PCDHGA12: variants seen among roughly 807,000 people sequenced by gnomAD.
The protein encoded by PCDHGA12 is protocadherin gamma subfamily A, 12.
In PCDHGA12, 43 loss-of-function variants were observed where a neutral mutation model predicts 61.1. The ratio of observed to expected loss-of-function variants is 0.70; its 90% CI spans 0.55 to 0.91. The LOEUF is 0.91. Among genes scored for constraint, PCDHGA12 ranks in the 40% least tolerant of loss-of-function variants. The pLI is 0.00. For synonymous variants in PCDHGA12, 520 were observed against 542.9 expected, an observed-to-expected ratio of 0.96 and a Z score of 0.59; for missense variants, 1,236 against 1,227.7, an observed-to-expected ratio of 1.01 and a Z score of -0.10.
Position 141,476,889 on chromosome 5 carries a change from C to T in PCDHGA12, c.2425-17918C>T. ...CGGGCGCGCGTCCTGGAGGATGCAC[C>T]CTCCGGCACGCGCGTGGTACAAGTC... is the stretch of plus-strand genomic sequence containing the variant. On this transcript the variant is annotated intron_variant, in intron 1 of 3. Transcript: ENST00000252085. This position sits in a 1 kb window ranked among gnomAD's most constrained non-coding sequence, Gnocchi z 7.6. 6.2e-7 allele frequency: 1 copy of T among 1,613,960 alleles called. No individual in the cohort carries two copies. The highest frequency in any genetic ancestry group is 8.5e-7 in the Non-Finnish European group (1 of 1,180,034).
intron 1 of PCDHGA12, among the ~76,000 whole-genome samples, chr5:141,472,969 A>G: frequency 6.8e-6 from 1 of 147,990 alleles, no homozygotes; most frequent in Non-Finnish European, 1.5e-5. Flanking sequence ...CTGGGGAACA[A>G]GAGTGAAACT....
intron 3 of PCDHGA12, among the ~76,000 whole-genome samples, chr5:141,509,211 C>T (rs962706371): frequency 2.0e-5 from 3 of 152,180 alleles, no homozygotes; most frequent in African/African-American, 4.8e-5. Context: ...CTCTCTATTT[C>T]TCAATCCCTG....
Position 141,489,680 on chromosome 5 carries a change from C to T in PCDHGA12, c.2425-5127C>T, listed in dbSNP as rs758765306. On this transcript the variant is annotated intron_variant, in intron 1 of 3. Coordinates refer to ENST00000252085, the MANE Select transcript of PCDHGA12 (RefSeq NM_003735.3). This position sits in a 1 kb window ranked among gnomAD's most constrained non-coding sequence, Gnocchi z 4.5. ...GAGATGCGCATCTCAGAATCAGCAG[C>T]ATCTGGGGCACGATTCCCACTGGAC... 2 of 1,614,070 alleles carry T rather than the reference C, an allele frequency of 1.2e-6. No individual in the cohort carries two copies. The highest frequency in any genetic ancestry group is 2.2e-5 in the East Asian group (1 of 44,886).
At position 141,487,710 on chromosome 5, in the gene PCDHGA12, G is replaced by A. The variant is rs199722860; in HGVS notation, c.2425-7097G>A. ...CTAGAGAGTACTGGCCTCTCAGTAA[G>A]TGCCCATAGTGATGTCACCATTTTT... On this transcript the variant is annotated intron_variant, in intron 1 of 3. Transcript: ENST00000252085. The surrounding 1 kb of genome is among the most constrained non-coding windows in gnomAD (Gnocchi z 5.0). 3.8e-4 allele frequency: 596 copies of A among 1,586,168 alleles called. No individual in the cohort carries two copies. The highest frequency in any genetic ancestry group is 4.5e-4 in the Non-Finnish European group (529 of 1,164,386).
intron 1 of PCDHGA12, among the ~76,000 whole-genome samples, chr5:141,435,043 C>T (rs2097739230): frequency 1.3e-5 from 2 of 151,658 alleles, no homozygotes; most frequent in African/African-American, 2.4e-5. Flanking sequence ...ATTTTTTTCC[C>T]ATTGACCATG....
intron 1 of PCDHGA12, chr5:141,442,107 C>A: frequency 6.0e-6 from 1 of 166,198 alleles, no homozygotes; most frequent in Non-Finnish European, 1.3e-5. Flanking sequence ...CCACCACTAC[C>A]GCCCCTCGTC....
intron 1 of PCDHGA12, among the ~76,000 whole-genome samples, chr5:141,463,999 C>A (rs1261262637): frequency 1.3e-5 from 2 of 152,056 alleles, no homozygotes; most frequent in African/African-American, 4.8e-5. Flanking sequence ...GGTGCAGTGG[C>A]TCATGCTTGT....
At chr5:141,484,660 T>G in intron 1 of PCDHGA12, among the ~76,000 whole-genome samples, 1 of 151,976 alleles carries the variant, frequency 6.6e-6, no homozygotes, top group Non-Finnish European at 1.5e-5. Flanking sequence ...ACTCTCCCTC[T>G]CAGTGGGCCG....
chr5:141,450,842 T>TTTTA (rs1387012749), intron 1 of PCDHGA12, among the ~76,000 whole-genome samples: 1 of 148,196 alleles, frequency 6.7e-6, no homozygotes, highest in African/African-American at 2.5e-5. Context: ...TTTTTTTTTT[T>TTTTA]GAGATGGGGT....
chr5:141,442,797 G>A (rs140116155), intron 1 of PCDHGA12, among the ~76,000 whole-genome samples: 1,916 of 152,222 alleles, frequency 0.013, 22 homozygotes, highest in Non-Finnish European at 0.02. Context: ...ATTTTACTTT[G>A]ATATTCAAAT....
intron 3 of PCDHGA12, among the ~76,000 whole-genome samples, chr5:141,506,441 T>C (rs1940889203): frequency 9.8e-6 from 1 of 101,930 alleles, no homozygotes; most frequent in South Asian, 3.0e-4. Flanking sequence ...TCTCGCTCTG[T>C]CTCAAAAAAA....
chr5:141,477,379 A>C lies in PCDHGA12; in HGVS notation c.2425-17428A>C, dbSNP rs1293075706. The stretch of plus-strand genomic sequence containing the variant: ...CAGACCTGGATCGGGAGACTGTGCC[A>C]GAATACAACCTCAGCATCACCGCCC... On this transcript the variant is annotated intron_variant, in intron 1 of 3. Transcript: ENST00000252085. This position sits in a 1 kb window ranked among gnomAD's most constrained non-coding sequence, Gnocchi z 4.9. 2 of 1,614,184 alleles carry C rather than the reference A, an allele frequency of 1.2e-6. No homozygotes were observed. Among genetic ancestry groups the C allele is most frequent in the Non-Finnish European group, 1.7e-6 (2 of 1,180,034 alleles).
intron 1 of PCDHGA12, among the ~76,000 whole-genome samples, chr5:141,484,760 A>G (rs1472178052): frequency 2.0e-5 from 3 of 151,880 alleles, no homozygotes; most frequent in South Asian, 2.1e-4. Flanking sequence ...GTATATATAT[A>G]TATATGTTGT....
intron 1 of PCDHGA12, among the ~76,000 whole-genome samples, chr5:141,447,644 G>A (rs1212910845): frequency 1.3e-5 from 2 of 152,146 alleles, no homozygotes; most frequent in Admixed American, 1.3e-4. Context: ...AATGATGGTA[G>A]AATTTTCCCC....
chr5:141,507,851 C>T (rs570052933), intron 3 of PCDHGA12, among the ~76,000 whole-genome samples: 48 of 152,322 alleles, frequency 3.2e-4, no homozygotes, highest in African/African-American at 1.1e-3. Context: ...CCTGCTCTCA[C>T]TTTCACACCC....
At chr5:141,496,011 T>G (rs1232125559) in intron 2 of PCDHGA12, among the ~76,000 whole-genome samples, 1 of 152,114 alleles carries the variant, frequency 6.6e-6, no homozygotes, top group African/African-American at 2.4e-5. Flanking sequence ...ATCTTGTCTT[T>G]TTTCTCTGAG....
chr5:141,478,352 G>T lies in PCDHGA12; in HGVS notation c.2425-16455G>T, dbSNP rs767743120. 36 of 1,613,674 alleles carry T rather than the reference G, an allele frequency of 2.2e-5. No homozygotes were observed. Among genetic ancestry groups the T allele is most frequent in the Non-Finnish European group, 3.1e-5 (36 of 1,180,016 alleles). On this transcript the variant is annotated intron_variant, in intron 1 of 3. Transcript: ENST00000252085. ...ACCAGGGCCCTCCTTGCACGCGGACGCCGTGCGGGGAGGCCTGATGTCGCC... is the reference window on the plus strand; with the variant it reads ...ACCAGGGCCCTCCTTGCACGCGGACTCCGTGCGGGGAGGCCTGATGTCGCC...
Position 141,432,147 on chromosome 5 carries a change from A to G in PCDHGA12, c.1388A>G (p.Glu463Gly). 6.2e-7 allele frequency: 1 copy of G among 1,614,066 alleles called. No individual in the cohort carries two copies. The highest frequency in any genetic ancestry group is 8.5e-7 in the Non-Finnish European group (1 of 1,179,998). ...GCCTCCTATTCCGCTTATATCCCAG[A>G]GAACAATCCCAGAGGAGTTTCCCTC... The part of the protein sequence containing the change: ...PQASYSAYIP[E>G]NNPRGVSLVS... The change falls in exon 1 of 4, where the codon GAG (glutamate) becomes GGG (glycine). Residue 463 changes from glutamate to glycine, a missense_variant. Transcript: ENST00000252085. The surrounding 1 kb of genome is among the most constrained non-coding windows in gnomAD (Gnocchi z 6.0).
intron 1 of PCDHGA12, among the ~76,000 whole-genome samples, chr5:141,453,047 G>A (rs930795400): frequency 1.3e-5 from 2 of 152,172 alleles, no homozygotes; most frequent in African/African-American, 4.8e-5. Context: ...TTTCTATTAT[G>A]TGCAGTTTTA....
Sources: gnomAD v4.1 joint callset for allele counts (sites outside exome capture counted in the v4.1 genomes callset) on GRCh38, gnomAD v4.1.1 for gene constraint, Gnocchi (gnomAD v3.1) non-coding constraint, MANE v1.5 for transcripts, NCBI Gene and HGNC (gene_info 2026-07-23, HGNC 2026-07-21) for gene names.